The following DOCK1 variants were observed in gnomAD, a reference collection of about 807,000 sequenced individuals.
DOCK1 encodes the protein dedicator of cytokinesis 1.
A neutral mutation model predicts 262.7 loss-of-function variants in DOCK1; 138 were observed. That is an observed-to-expected ratio of 0.53 (90% CI 0.46 to 0.61). DOCK1 has a LOEUF of 0.61. Among genes scored for constraint, DOCK1 ranks in the 20% least tolerant of loss-of-function variants. The probability of loss-of-function intolerance (pLI) is 0.00; values close to 1 mark genes in which losing one functional copy is unlikely to be tolerated. For missense variants in DOCK1, 1,908 were observed against 2,370.7 expected, an observed-to-expected ratio of 0.80 and a Z score of 4.05; for synonymous variants, 866 against 867.4, an observed-to-expected ratio of 1.00 and a Z score of 0.03.
chr10:126,949,555 C>A (rs2035997210), intron 1 of DOCK1, among the ~76,000 whole-genome samples: 1 of 152,084 alleles, frequency 6.6e-6, no homozygotes, highest in African/African-American at 2.4e-5. Context: ...TTCAGAGCAG[C>A]AAGGGCAGAG....
chr10:127,439,038 A>G lies in DOCK1; in HGVS notation c.5072A>G (p.Glu1691Gly). Residue 1691 changes from glutamate to glycine, a missense_variant, in exon 49 of 52, where the codon GAG becomes GGG. Glu to Gly is a moderately conservative substitution (Grantham distance 98). Transcript: ENST00000623213. ...SRPGSDGFAL[E>G]PLLPKKMHSR... ...GACCTTTCCTTTAGGTTTGCCCTGG[A>G]GCCTCTCCTGCCAAAGAAAATGCAC... The G allele has an allele frequency of 6.4e-7, 1 of 1,551,638 alleles. No homozygotes were observed. The highest frequency in any genetic ancestry group is 8.7e-7 in the Non-Finnish European group (1 of 1,147,046).
intron 13 of DOCK1, among the ~76,000 whole-genome samples, chr10:127,022,479 C>T (rs1364864146): frequency 1.3e-5 from 2 of 152,126 alleles, no homozygotes; most frequent in Non-Finnish European, 2.9e-5. Context: ...GGCTGGAGTG[C>T]AGTGGCAGGA....
chr10:127,273,643 A>C (rs1456529165), intron 29 of DOCK1, among the ~76,000 whole-genome samples: 1 of 151,948 alleles, frequency 6.6e-6, no homozygotes, highest in Non-Finnish European at 1.5e-5. Flanking sequence ...GCATTTTGGG[A>C]GGCTGAGGTG....
intron 24 of DOCK1, among the ~76,000 whole-genome samples, chr10:127,109,733 G>A (rs1237491863): frequency 1.3e-5 from 2 of 152,136 alleles, no homozygotes; most frequent in South Asian, 2.1e-4. Context: ...GAATTGTGTG[G>A]CTATACTGCA....
intron 23 of DOCK1, among the ~76,000 whole-genome samples, chr10:127,075,163 C>CT (rs1389635269): frequency 8.3e-5 from 7 of 84,372 alleles, no homozygotes; most frequent in African/African-American, 4.1e-4. Flanking sequence ...GAGCGAAACT[C>CT]TGTCTCAAAA....
chr10:127,190,305 G>A (rs1457410528), intron 27 of DOCK1, among the ~76,000 whole-genome samples: 1 of 152,164 alleles, frequency 6.6e-6, no homozygotes, highest in African/African-American at 2.4e-5. Flanking sequence ...AGCCCTGGAA[G>A]CCGTCTTCCT....
chr10:127,177,995 C>G (rs1022323219), intron 27 of DOCK1, among the ~76,000 whole-genome samples: 1 of 152,156 alleles, frequency 6.6e-6, no homozygotes, highest in Non-Finnish European at 1.5e-5. Context: ...CTCATAGACC[C>G]AGCTGTCCAA....
chr10:127,051,663 A>G (rs1404089905), intron 21 of DOCK1, among the ~76,000 whole-genome samples: 2 of 152,082 alleles, frequency 1.3e-5, no homozygotes, highest in African/African-American at 4.8e-5. Context: ...GCTCACTGCA[A>G]CCTCTGCTTC....
chr10:126,984,125 C>T (rs529846871), intron 4 of DOCK1, among the ~76,000 whole-genome samples: 2 of 152,010 alleles, frequency 1.3e-5, no homozygotes, highest in African/African-American at 2.4e-5. Flanking sequence ...TCTTTGTTGC[C>T]CCTCCCTGAT....
intron 38 of DOCK1, among the ~76,000 whole-genome samples, chr10:127,396,492 C>T (rs2066855318): frequency 6.6e-6 from 1 of 152,210 alleles, no homozygotes; most frequent in African/African-American, 2.4e-5. Context: ...CATTTCTCCT[C>T]CTCTTTCTAC....
chr10:127,326,239 A>G (rs1409154711), intron 29 of DOCK1, among the ~76,000 whole-genome samples: 1 of 152,228 alleles, frequency 6.6e-6, no homozygotes, highest in Non-Finnish European at 1.5e-5. Context: ...CCTTTCACTC[A>G]AGATTTCTCT....
At chr10:127,276,539 C>T (rs935425985) in intron 29 of DOCK1, among the ~76,000 whole-genome samples, 6 of 152,120 alleles carry the variant, frequency 3.9e-5, no homozygotes, top group African/African-American at 1.4e-4. Context: ...TCTTTCTCAC[C>T]CTCTGTTCCT....
chr10:127,269,662 A>C (rs2060490337), intron 29 of DOCK1, among the ~76,000 whole-genome samples: 1 of 152,222 alleles, frequency 6.6e-6, no homozygotes. Flanking sequence ...GCATCTTGGA[A>C]GGACAGAGCT....
At chr10:127,361,394 G>T (rs376493076) in intron 32 of DOCK1, among the ~76,000 whole-genome samples, 4 of 152,122 alleles carry the variant, frequency 2.6e-5, no homozygotes, top group African/African-American at 4.8e-5. Context: ...GATTACAGGC[G>T]TGAGCCACCA....
chr10:127,197,918 T>G (rs2057285606), intron 27 of DOCK1, among the ~76,000 whole-genome samples: 2 of 152,250 alleles, frequency 1.3e-5, no homozygotes, highest in African/African-American at 4.8e-5. Flanking sequence ...TAAAATGTCA[T>G]CTATTTCCCT....
At chr10:127,216,498 G>A (rs756965219) in intron 27 of DOCK1, among the ~76,000 whole-genome samples, 3 of 152,038 alleles carry the variant, frequency 2.0e-5, no homozygotes, top group Non-Finnish European at 4.4e-5. Context: ...GGAAGTCTCC[G>A]CCCCAAGAGT....
Position 127,066,691 on chromosome 10 carries a change from G to A in DOCK1, c.2445+4915G>A, listed in dbSNP as rs114093076. On this transcript the variant is annotated intron_variant, in intron 23 of 51. Coordinates refer to ENST00000623213, the MANE Select transcript of DOCK1 (RefSeq NM_001290223.2). ...AGTGGTTGATAGAAATAGCATGAGC[G>A]CCTAGTGCCAGAGTAACTGGAGCTG... Among the ~76,000 whole-genome samples the A allele has an allele frequency of 3.0e-3, 462 of 152,314 alleles. 3 individuals are homozygous for A. The highest frequency in any genetic ancestry group is 0.011 in the African/African-American group (444 of 41,570).
At chr10:127,418,304 T>C in intron 44 of DOCK1, 61 bp from the exon 45 acceptor site, 1 of 1,496,504 alleles carries the variant, frequency 6.7e-7, no homozygotes, top group Admixed American at 2.1e-5. Flanking sequence ...GCTCCTCTGG[T>C]GAGACCCTGG....
intron 48 of DOCK1, among the ~76,000 whole-genome samples, chr10:127,435,594 G>A (rs1243101812): frequency 5.9e-5 from 9 of 152,152 alleles, no homozygotes; most frequent in Middle Eastern, 3.4e-3. Flanking sequence ...GAAAATCCCC[G>A]GACTGGTTAT....
Sources: allele counts gnomAD v4.1 joint callset (sites outside exome capture counted in the v4.1 genomes callset), GRCh38; gene constraint gnomAD v4.1.1; transcripts MANE v1.5; gene names NCBI Gene and HGNC (gene_info 2026-07-23, HGNC 2026-07-21).